The following HS6ST3 variants were observed in gnomAD, a reference collection of about 807,000 sequenced individuals.
HS6ST3 encodes heparan-sulfate 6-O-sulfotransferase 3.
Under a neutral mutation model 36.7 loss-of-function variants are expected in HS6ST3, and 12 were observed. That is an observed-to-expected ratio of 0.33 (90% CI 0.21 to 0.53). The LOEUF (loss-of-function observed/expected upper bound fraction) is 0.53, where lower values mean the gene tolerates loss of function less well. Among genes scored for constraint, HS6ST3 ranks in the 20% least tolerant of loss-of-function variants. HS6ST3 has a pLI of 0.95. For synonymous variants in HS6ST3, 240 were observed against 257.5 expected, an observed-to-expected ratio of 0.93 and a Z score of 0.65; for missense variants, 584 against 640.9, an observed-to-expected ratio of 0.91 and a Z score of 0.96.
At chr13:96,522,079 T>C (rs1298011246) in intron 1 of HS6ST3, among the ~76,000 whole-genome samples, 2 of 152,232 alleles carry the variant, frequency 1.3e-5, no homozygotes, top group African/African-American at 4.8e-5. Flanking sequence ...TCAAAGAACA[T>C]CTTTATTTCT....
In HS6ST3 at chr13:96,510,249, T is replaced by A. The variant is rs541317662; in HGVS notation, c.708-322241T>A. On this transcript the variant is annotated intron_variant, in intron 1 of 1. Coordinates refer to ENST00000376705, the MANE Select transcript of HS6ST3 (RefSeq NM_153456.4). ...GTACACTGATTTTATAACCAGAGAC[T>A]TTAATCAATTTTTTTTATCAAACCT... is the stretch of plus-strand genomic sequence containing the variant. 4.6e-5 allele frequency among the ~76,000 whole-genome samples: 7 copies of A among 152,222 alleles called. No individual in the cohort carries two copies. The East Asian group carries it at 9.7e-4, about 21-fold the overall frequency.
At chr13:96,622,567 A>G (rs1270079340) in intron 1 of HS6ST3, among the ~76,000 whole-genome samples, 1 of 151,818 alleles carries the variant, frequency 6.6e-6, no homozygotes, top group Non-Finnish European at 1.5e-5. Flanking sequence ...CAAGGAATAG[A>G]AAGGGTTTCA....
At chr13:96,399,456 A>G (rs1425463049) in intron 1 of HS6ST3, among the ~76,000 whole-genome samples, 1 of 152,230 alleles carries the variant, frequency 6.6e-6, no homozygotes, top group African/African-American at 2.4e-5. Flanking sequence ...TTTATACAAC[A>G]TTGCATAGCC....
chr13:96,778,447 G>C (rs982365579), intron 1 of HS6ST3, among the ~76,000 whole-genome samples: 1 of 151,940 alleles, frequency 6.6e-6, no homozygotes, highest in South Asian at 2.1e-4. Context: ...TTAATATCTG[G>C]AATCTACAAT....
intron 1 of HS6ST3, among the ~76,000 whole-genome samples, chr13:96,626,927 A>T (rs972007682): frequency 6.6e-6 from 1 of 152,134 alleles, no homozygotes; most frequent in Non-Finnish European, 1.5e-5. Flanking sequence ...CTGAAATCTC[A>T]TACATTGTAA....
intron 1 of HS6ST3, among the ~76,000 whole-genome samples, chr13:96,692,723 T>C (rs2138446296): frequency 6.6e-6 from 1 of 152,342 alleles, no homozygotes; most frequent in Non-Finnish European, 1.5e-5. Context: ...ATAGCTTTTA[T>C]TGTTCAAATT....
chr13:96,821,585 G>C (rs1594868355), intron 1 of HS6ST3, among the ~76,000 whole-genome samples: 1 of 152,156 alleles, frequency 6.6e-6, no homozygotes, highest in Non-Finnish European at 1.5e-5. Flanking sequence ...ATAAATGTTG[G>C]CCACTATTAT....
intron 1 of HS6ST3, among the ~76,000 whole-genome samples, chr13:96,330,613 A>T (rs996784669): frequency 1.3e-5 from 2 of 151,158 alleles, no homozygotes; most frequent in African/African-American, 4.9e-5. Flanking sequence ...GCTGCCCTTA[A>T]CATTTTTTCC....
chr13:96,460,460 C>T (rs2055778702), intron 1 of HS6ST3, among the ~76,000 whole-genome samples: 1 of 152,100 alleles, frequency 6.6e-6, no homozygotes, highest in Admixed American at 6.6e-5. Flanking sequence ...CTGTAAGATT[C>T]AGTAATGTTT....
chr13:96,261,192 T>C (rs1044260433), intron 1 of HS6ST3, among the ~76,000 whole-genome samples: 1 of 151,934 alleles, frequency 6.6e-6, no homozygotes, highest in Admixed American at 6.6e-5. Context: ...CAGTAAGTTT[T>C]AATAACATAT....
chr13:96,393,579 C>T (rs1224680301), intron 1 of HS6ST3, among the ~76,000 whole-genome samples: 6 of 151,880 alleles, frequency 4.0e-5, no homozygotes, highest in Non-Finnish European at 7.4e-5. Flanking sequence ...ACTTGCTTGC[C>T]GATAAAAATC....
At chr13:96,389,662 A>G (rs1305751665) in intron 1 of HS6ST3, among the ~76,000 whole-genome samples, 2 of 152,170 alleles carry the variant, frequency 1.3e-5, no homozygotes, top group East Asian at 3.9e-4. Flanking sequence ...TGAGTGTATA[A>G]TATATAAGCT....
intron 1 of HS6ST3, among the ~76,000 whole-genome samples, chr13:96,242,657 T>C (rs1008883712): frequency 1.3e-5 from 2 of 151,952 alleles, no homozygotes; most frequent in Admixed American, 6.6e-5. Context: ...TTTTTTAAGG[T>C]TGAATCATGA....
intron 1 of HS6ST3, among the ~76,000 whole-genome samples, chr13:96,660,922 G>T (rs1345086968): frequency 6.6e-6 from 1 of 152,088 alleles, no homozygotes; most frequent in Non-Finnish European, 1.5e-5. Context: ...AGAAGAAGTG[G>T]GAAGAAGGTG....
chr13:96,806,105 A>G (rs1265439978), intron 1 of HS6ST3, among the ~76,000 whole-genome samples: 4 of 152,320 alleles, frequency 2.6e-5, no homozygotes, highest in Non-Finnish European at 5.9e-5. Flanking sequence ...CTTGTCAAGT[A>G]TAGCACATAG....
At chr13:96,365,139 T>A (rs2055256895) in intron 1 of HS6ST3, among the ~76,000 whole-genome samples, 3 of 152,166 alleles carry the variant, frequency 2.0e-5, no homozygotes. Context: ...TAGTCCAGGT[T>A]TTAAGTCAGA....
intron 1 of HS6ST3, among the ~76,000 whole-genome samples, chr13:96,270,092 C>A (rs2054712593): frequency 6.6e-6 from 1 of 151,856 alleles, no homozygotes; most frequent in Non-Finnish European, 1.5e-5. Context: ...GATTCCACTC[C>A]CAATTTGTCT....
intron 1 of HS6ST3, chr13:96,574,220 G>A (rs1196089501): frequency 1.2e-5 from 6 of 489,078 alleles, no homozygotes; most frequent in South Asian, 9.7e-5. Context: ...TACTAACTTT[G>A]AGGATGCTAG....
chr13:96,799,906 C>T (rs1173899030), intron 1 of HS6ST3, among the ~76,000 whole-genome samples: 4 of 146,086 alleles, frequency 2.7e-5, no homozygotes, highest in Admixed American at 2.1e-4. Flanking sequence ...ACCCTGGACT[C>T]TTCAAAGTGG....
Sources: allele counts gnomAD v4.1 joint callset (sites outside exome capture counted in the v4.1 genomes callset), GRCh38; gene constraint gnomAD v4.1.1; transcripts MANE v1.5; gene names NCBI Gene and HGNC (gene_info 2026-07-23, HGNC 2026-07-21).